The following CEMIP variants were observed in gnomAD, a reference collection of about 807,000 sequenced individuals.
The protein encoded by CEMIP is cell migration inducing hyaluronidase 1.
A neutral mutation model predicts 156.9 loss-of-function variants in CEMIP; 105 were observed. The observed-to-expected ratio is 0.67, with a 90% confidence interval of 0.57 to 0.79. The LOEUF is 0.79. Among genes scored for constraint, CEMIP ranks in the 30% least tolerant of loss-of-function variants. The pLI is 0.00. For missense variants in CEMIP, 1,457 were observed against 1,769.4 expected, an observed-to-expected ratio of 0.82 and a Z score of 3.17; for synonymous variants, 676 against 668.4, an observed-to-expected ratio of 1.01 and a Z score of -0.17.
At chr15:80,938,695 T>G (rs1040211226) in intron 25 of CEMIP, among the ~76,000 whole-genome samples, 1 of 152,184 alleles carries the variant, frequency 6.6e-6, no homozygotes, top group African/African-American at 2.4e-5. Context: ...CTGTCTGTCT[T>G]CAAAGCCCTC....
At chr15:80,817,460 C>A (rs1320643528) in intron 1 of CEMIP, among the ~76,000 whole-genome samples, 2 of 151,694 alleles carry the variant, frequency 1.3e-5, no homozygotes, top group Non-Finnish European at 2.9e-5. Context: ...AATTAGCCAG[C>A]CATGGTGGTG....
intron 12 of CEMIP, chr15:80,896,478 G>A: frequency 2.5e-6 from 1 of 402,288 alleles, no homozygotes. Context: ...ATAGGCTAGG[G>A]AAGCATATGT....
rs146612917 is a variant in CEMIP at position 80,923,694 on chromosome 15, T to A, written c.2203-927T>A. Among the ~76,000 whole-genome samples, 479 of 152,290 alleles carry A rather than the reference T, an allele frequency of 3.1e-3. 3 individuals carry two copies. Among genetic ancestry groups the A allele is most frequent in the African/African-American group, 0.011 (451 of 41,548 alleles). ...GAGGAGGTCTCGTCCTTGGTGTTCATGCCCAGTAAGCCTTGACTCCACATC... is the reference window on the plus strand; with the variant it reads ...GAGGAGGTCTCGTCCTTGGTGTTCAAGCCCAGTAAGCCTTGACTCCACATC... On this transcript the variant is annotated intron_variant, in intron 17 of 29. Transcript: ENST00000394685.
intron 12 of CEMIP, among the ~76,000 whole-genome samples, chr15:80,902,369 C>A (rs1567092166): frequency 6.6e-6 from 1 of 152,190 alleles, no homozygotes; most frequent in Non-Finnish European, 1.5e-5. Context: ...TCTGCTTTTC[C>A]CTGGTTGGGC....
intron 1 of CEMIP, among the ~76,000 whole-genome samples, chr15:80,865,314 T>C (rs1487659566): frequency 6.6e-6 from 1 of 152,184 alleles, no homozygotes; most frequent in Non-Finnish European, 1.5e-5. Flanking sequence ...CCTGGGTAGC[T>C]GGGTCTACGG....
chr15:80,937,721 C>T, intron 24 of CEMIP, 73 bp from the exon 25 acceptor site: 1 of 1,460,046 alleles, frequency 6.8e-7, no homozygotes, highest in Admixed American at 1.7e-5. Context: ...TGGTCTCTTT[C>T]TCCAAGGCAT....
chr15:80,928,937 G>A lies in CEMIP; in HGVS notation c.2456G>A (p.Ser819Asn). ...AATGGCATTGGCCTGACCCTGGCCA[G>A]GTAAGGGCAACTGTCATTGTACTTG... ...ADNGIGLTLA[S>N]GGTFPYDDGS... The change falls in exon 20 of 30, where the codon AGT becomes AAT. Residue 819 changes from serine (S) to asparagine (N), a missense_variant and splice_region_variant. This residue lies in a region of CEMIP where 798 missense variants were observed against 980.1 expected (regional missense o/e 0.81). Transcript: ENST00000394685. The A allele has an allele frequency of 6.2e-7, 1 of 1,614,232 alleles. No homozygotes were observed. Among genetic ancestry groups the A allele is most frequent in the Non-Finnish European group, 8.5e-7 (1 of 1,180,040 alleles).
chr15:80,841,285 GC>G (rs1897409731), intron 1 of CEMIP, among the ~76,000 whole-genome samples: 1 of 152,216 alleles, frequency 6.6e-6, no homozygotes, highest in Admixed American at 6.5e-5. Flanking sequence ...TCCCTAGGCA[GC>G]CAGTTAGTGA....
chr15:80,929,321 C>A (rs373399073), intron 21 of CEMIP, 147 bp downstream of exon 21: 5 of 1,062,560 alleles, frequency 4.7e-6, no homozygotes, highest in East Asian at 4.9e-5. Flanking sequence ...CTGAGACTAA[C>A]AATTAAGGGA....
chr15:80,816,810 A>T (rs1431161563), intron 1 of CEMIP, among the ~76,000 whole-genome samples: 2 of 151,656 alleles, frequency 1.3e-5, no homozygotes, highest in East Asian at 3.9e-4. Context: ...AAGCCCAGTA[A>T]TGAGCACAAA....
intron 1 of CEMIP, among the ~76,000 whole-genome samples, chr15:80,830,313 A>ATT (rs1567061436): frequency 2.6e-5 from 4 of 152,334 alleles, no homozygotes; most frequent in Non-Finnish European, 4.4e-5. Flanking sequence ...TAATTAGCAT[A>ATT]AAGCAGCAGC....
chr15:80,780,004 A>G (rs1049693044), intron 1 of CEMIP, among the ~76,000 whole-genome samples: 1 of 151,094 alleles, frequency 6.6e-6, no homozygotes. Context: ...AGGGAGTACC[A>G]CAAGGGTCAG....
chr15:80,870,258 G>A (rs1898243888), intron 1 of CEMIP, among the ~76,000 whole-genome samples: 1 of 152,180 alleles, frequency 6.6e-6, no homozygotes, highest in African/African-American at 2.4e-5. Context: ...GGGGATGGCT[G>A]TCCCTCTGCT....
chr15:80,870,313 G>A (rs960886750), intron 1 of CEMIP, among the ~76,000 whole-genome samples: 7 of 152,146 alleles, frequency 4.6e-5, no homozygotes, highest in Non-Finnish European at 7.4e-5. Context: ...ATCTCATCTC[G>A]CCTCCTGCCT....
intron 1 of CEMIP, among the ~76,000 whole-genome samples, chr15:80,785,650 G>T (rs147702934): frequency 6.6e-6 from 1 of 152,160 alleles, no homozygotes; most frequent in South Asian, 2.1e-4. Flanking sequence ...AGTGGAGGGC[G>T]TGAGACCTGC....
chr15:80,910,414 T>C (rs1022498866), intron 14 of CEMIP, among the ~76,000 whole-genome samples: 6 of 152,198 alleles, frequency 3.9e-5, no homozygotes, highest in African/African-American at 1.4e-4. Context: ...CCTGTGGGCA[T>C]TTGAGTTTGT....
chr15:80,916,708 C>T (rs2141911824), intron 14 of CEMIP, among the ~76,000 whole-genome samples: 1 of 152,206 alleles, frequency 6.6e-6, no homozygotes, highest in East Asian at 1.9e-4. Flanking sequence ...AATTTTAGAG[C>T]TGGAAGAAAA....
chr15:80,899,112 C>A (rs1036815058), intron 12 of CEMIP, among the ~76,000 whole-genome samples: 2 of 151,510 alleles, frequency 1.3e-5, no homozygotes, highest in Non-Finnish European at 1.5e-5. Flanking sequence ...ACTCAGGAGG[C>A]TGAGGCAGGA....
intron 14 of CEMIP, among the ~76,000 whole-genome samples, chr15:80,917,469 C>T (rs1190928362): frequency 6.6e-6 from 1 of 152,196 alleles, no homozygotes; most frequent in Non-Finnish European, 1.5e-5. Flanking sequence ...AGGAAGCCCA[C>T]ATTTCCTTGC....
Sources: gnomAD v4.1 joint callset for allele counts (sites outside exome capture counted in the v4.1 genomes callset) on GRCh38, gnomAD v4.1.1 for gene constraint, gnomAD v4.1.1 regional missense constraint, MANE v1.5 for transcripts, NCBI Gene and HGNC (gene_info 2026-07-23, HGNC 2026-07-21) for gene names.